CPNE8: variants seen among roughly 807,000 people sequenced by gnomAD.
CPNE8 encodes the protein copine-8.
In CPNE8, 45 loss-of-function variants were observed where a neutral mutation model predicts 81.5. That is an observed-to-expected ratio of 0.55 (90% CI 0.44 to 0.71). The LOEUF (loss-of-function observed/expected upper bound fraction) is 0.71. Among genes scored for constraint, CPNE8 ranks in the 30% least tolerant of loss-of-function variants. The pLI is 0.00. For synonymous variants in CPNE8, 252 were observed against 226.3 expected (o/e 1.11, Z -1.02); for missense variants, 594 against 672.1 (o/e 0.88, Z 1.28).
At chr12:38,665,821 C>T (rs533605533) in intron 19 of CPNE8, among the ~76,000 whole-genome samples, 12 of 152,230 alleles carry the variant, frequency 7.9e-5, no homozygotes, top group African/African-American at 2.6e-4. Flanking sequence ...GATTAAGTCT[C>T]ATTGCCTCAA....
intron 3 of CPNE8, among the ~76,000 whole-genome samples, chr12:38,871,095 C>A (rs1029474265): frequency 6.6e-6 from 1 of 152,082 alleles, no homozygotes; most frequent in African/African-American, 2.4e-5. Context: ...AATAGGAAAG[C>A]ATGAGAAATT....
At chr12:38,668,859 C>T (rs1939113283) in intron 19 of CPNE8, among the ~76,000 whole-genome samples, 1 of 151,928 alleles carries the variant, frequency 6.6e-6, no homozygotes, top group Non-Finnish European at 1.5e-5. Context: ...ACCATTCTGG[C>T]TAACACAGTG....
At chr12:38,765,979 C>G (rs1941679025) in intron 8 of CPNE8, among the ~76,000 whole-genome samples, 1 of 152,054 alleles carries the variant, frequency 6.6e-6, no homozygotes, top group Admixed American at 6.6e-5. Flanking sequence ...CTGCCTCAGC[C>G]TCCCAAGTAG....
At chr12:38,755,494 G>C (rs941798536) in intron 10 of CPNE8, among the ~76,000 whole-genome samples, 1 of 152,002 alleles carries the variant, frequency 6.6e-6, no homozygotes, top group Non-Finnish European at 1.5e-5. Flanking sequence ...CAAGGATACC[G>C]CTACTGATTG....
At chr12:38,886,823 T>C (rs1433964663) in intron 1 of CPNE8, among the ~76,000 whole-genome samples, 1 of 152,150 alleles carries the variant, frequency 6.6e-6, no homozygotes, top group African/African-American at 2.4e-5. Context: ...GGAATTTCTT[T>C]ACAAAAGAAG....
At chr12:38,760,998 C>A (rs775022825) in intron 9 of CPNE8, 110 bp from the exon 10 acceptor site, 1 of 766,398 alleles carries the variant, frequency 1.3e-6, no homozygotes. Context: ...TGTATGCTTG[C>A]AGATTTTACA....
chr12:38,670,886 T>C (rs1939160407), intron 18 of CPNE8, 84 bp from the exon 19 acceptor site: 2 of 925,652 alleles, frequency 2.2e-6, no homozygotes, highest in South Asian at 1.5e-5. Context: ...TCAAGATGTA[T>C]GAAGTAGCAA....
At chr12:38,861,976 C>A (rs1334304877) in intron 3 of CPNE8, among the ~76,000 whole-genome samples, 2 of 152,028 alleles carry the variant, frequency 1.3e-5, no homozygotes, top group African/African-American at 4.8e-5. Context: ...CCAACTAATA[C>A]ATGAAAATCT....
chr12:38,869,239 T>C (rs974481085), intron 3 of CPNE8, among the ~76,000 whole-genome samples: 1 of 152,178 alleles, frequency 6.6e-6, no homozygotes, highest in Non-Finnish European at 1.5e-5. Flanking sequence ...CAGAATTTTA[T>C]AATGCAGGAA....
rs182950401 is a variant in CPNE8 at position 38,671,121 on chromosome 12, C to T, written c.1433-319G>A. 67 of 199,440 alleles carry T rather than the reference C, an allele frequency of 3.4e-4. No individual in the cohort carries two copies. The East Asian group carries it at 5.4e-3, about 16-fold the overall frequency. The allele number at this position is 199,440 out of a possible 1,614,324, so 12.4% of individuals were successfully genotyped here. On this transcript the variant is annotated intron_variant, in intron 18 of 19. Transcript: ENST00000331366. ...TCTCCATTCTACCAGTTCTAAACTT[C>T]GGGTTATATGGTTGCATGACTGATT...
chr12:38,686,077 T>C (rs1939528772), intron 15 of CPNE8, among the ~76,000 whole-genome samples: 1 of 152,182 alleles, frequency 6.6e-6, no homozygotes, highest in Non-Finnish European at 1.5e-5. Flanking sequence ...TTTCCAATTT[T>C]TCTGCAGTGA....
intron 6 of CPNE8, among the ~76,000 whole-genome samples, chr12:38,796,620 C>G (rs914142773): frequency 6.6e-6 from 1 of 152,156 alleles, no homozygotes; most frequent in East Asian, 1.9e-4. Context: ...GTGAGTGACG[C>G]AGAAGACGGG....
At position 38,792,761 on chromosome 12, in the gene CPNE8, C is replaced by T. The variant is rs914076251; in HGVS notation, c.408-16460G>A. The stretch of plus-strand genomic sequence containing the variant: ...TCAGAATTACCCCAACACCAAAGCA[C>T]ATCAAAACACTATACAAAGAAGAGA... On this transcript the variant is annotated intron_variant, in intron 6 of 19. Transcript: ENST00000331366. 4.6e-5 allele frequency among the ~76,000 whole-genome samples: 7 copies of T among 151,770 alleles called. No homozygotes were observed. The East Asian group carries it at 5.8e-4, about 13-fold the overall frequency.
At chr12:38,819,818 C>A (rs958158457) in intron 6 of CPNE8, among the ~76,000 whole-genome samples, 2 of 150,088 alleles carry the variant, frequency 1.3e-5, no homozygotes, top group African/African-American at 4.9e-5. Context: ...AATGTTCCTT[C>A]CAAACACTCA....
intron 10 of CPNE8, among the ~76,000 whole-genome samples, chr12:38,739,270 G>C (rs143831008): frequency 0.012 from 1,861 of 152,164 alleles, 147 homozygotes; most frequent in Admixed American, 0.1. Context: ...AAATAGTATA[G>C]TTCACCTCAT....
At chr12:38,710,672 C>A (rs193186808) in intron 13 of CPNE8, among the ~76,000 whole-genome samples, 107 of 152,204 alleles carry the variant, frequency 7.0e-4, no homozygotes, top group African/African-American at 2.4e-3. Context: ...AGAGTTCTTT[C>A]TTTATATTAA....
intron 13 of CPNE8, among the ~76,000 whole-genome samples, chr12:38,703,331 A>G (rs1240608613): frequency 6.6e-6 from 1 of 152,192 alleles, no homozygotes; most frequent in Middle Eastern, 3.2e-3. Context: ...TTGCATTGCT[A>G]AAATCATCTC....
At chr12:38,828,953 A>C (rs1943243025) in intron 6 of CPNE8, among the ~76,000 whole-genome samples, 2 of 152,172 alleles carry the variant, frequency 1.3e-5, no homozygotes, top group South Asian at 4.1e-4. Flanking sequence ...ACCTACTTAC[A>C]GCTTTCTCTA....
chr12:38,857,651 G>A (rs1351807647), intron 3 of CPNE8, among the ~76,000 whole-genome samples: 4 of 152,120 alleles, frequency 2.6e-5, no homozygotes, highest in South Asian at 2.1e-4. Flanking sequence ...AGTGGCTCAC[G>A]CCTGTAATCC....
Sources: gnomAD v4.1 joint callset for allele counts (sites outside exome capture counted in the v4.1 genomes callset) on GRCh38, gnomAD v4.1.1 for gene constraint, MANE v1.5 for transcripts, NCBI Gene and HGNC (gene_info 2026-07-23, HGNC 2026-07-21) for gene names.